The following GPI variants were observed in gnomAD, a reference collection of about 807,000 sequenced individuals.
GPI encodes the protein glucose-6-phosphate isomerase.
Under a neutral mutation model 75.8 loss-of-function variants are expected in GPI, and 56 were observed. The ratio of observed to expected loss-of-function variants is 0.74; its 90% confidence interval spans 0.60 to 0.92. The LOEUF (loss-of-function observed/expected upper bound fraction) is 0.92, where lower values mean the gene tolerates loss of function less well. Ranked by LOEUF, GPI falls within the 40% of genes least tolerant of loss-of-function variation. GPI has a pLI of 0.00. For missense variants in GPI, 638 were observed against 741.0 expected (o/e 0.86, Z 1.61); for synonymous variants, 288 against 285.4 (o/e 1.01, Z -0.09).
chr19:34,377,541 G>A lies in GPI; in HGVS notation c.441G>A (p.Lys147=). The A allele has an allele frequency of 2.5e-6, 4 of 1,613,156 alleles. No homozygotes were observed. The highest frequency in any genetic ancestry group is 3.4e-6 in the Non-Finnish European group (4 of 1,179,808). ...GTGACTGGAAGGGGTACACAGGCAA[G>A]ACCATCACGGACGTCATCAACATTG... The part of the protein sequence containing the change: ...RSGDWKGYTG[K]TITDVINIGI... The change falls in exon 5 of 18, where the codon AAG becomes AAA. Residue 147 remains lysine, a synonymous_variant. Transcript: ENST00000356487.
rs1254612410 is a variant in GPI at position 34,365,386 on chromosome 19, C to A, written c.120C>A (p.Phe40Leu). Residue 40 changes from phenylalanine to leucine, a missense_variant and splice_region_variant, in exon 1 of 18, where the codon TTC becomes TTA. Transcript: ENST00000356487. Reference sequence around the variant, plus strand: ...CCAACAAGGACCGCTTCAACCACTTCAGGTGCGGGCGGGCCGGAGGCGGGG... The same window carrying A: ...CCAACAAGGACCGCTTCAACCACTTAAGGTGCGGGCGGGCCGGAGGCGGGG... ...FDANKDRFNH[F>L]SLTLNTNHGH... is the part of the protein sequence containing the mutation. 6.3e-6 allele frequency: 10 copies of A among 1,579,152 alleles called. No individual in the cohort carries two copies. Among genetic ancestry groups the A allele is most frequent in the Non-Finnish European group, 6.9e-6 (8 of 1,166,144 alleles).
chr19:34,365,432 GA>G lies in GPI; in HGVS notation c.122+46del, dbSNP rs1005372524. On this transcript the variant is annotated intron_variant, in intron 1 of 17. Coordinates refer to ENST00000356487, the MANE Select transcript of GPI (RefSeq NM_000175.5). ...CGGGGGCTGCCACGCGCGGCGCCCG[GA>G]ACCGGGCACGCGGGCCTGGGGTCTG... 2.6e-6 allele frequency: 4 copies of G among 1,523,382 alleles called. No individual in the cohort carries two copies. The African/African-American group carries it at 5.7e-5, about 22-fold the overall frequency. 94.4% of individuals were successfully genotyped at this position (1,523,382 alleles called of 1,614,324 possible).
chr19:34,380,001 T>TTTTTG (rs1568336013), intron 8 of GPI: 4 of 209,594 alleles, frequency 1.9e-5, no homozygotes, highest in African/African-American at 1.0e-4. Flanking sequence ...TTTTTTTTTT[T>TTTTTG]TTTTTTTTTT....
chr19:34,379,369 T>TGACCTC (rs1334589914), intron 7 of GPI, 149 bp from the exon 8 acceptor site: 5 of 816,182 alleles, frequency 6.1e-6, no homozygotes, highest in South Asian at 5.3e-5. Context: ...TTCTTGACCT[T>TGACCTC]GACCTCGATG....
At chr19:34,363,486 T>A, upstream of GPI, 1 of 152,144 alleles carries the variant, frequency 6.6e-6, no homozygotes, top group Non-Finnish European at 1.5e-5. Context: ...TCTGTGTAGA[T>A]GAGTAACTGG....
upstream of GPI, among the ~76,000 whole-genome samples, chr19:34,362,734 T>G (rs75527048): frequency 0.015 from 2,221 of 152,274 alleles, 24 homozygotes; most frequent in South Asian, 0.026. Flanking sequence ...TGGGGATCAT[T>G]CTCTTCGTTA....
intron 12 of GPI, 80 bp downstream of exon 12, chr19:34,394,146 C>T: frequency 9.5e-7 from 1 of 1,047,176 alleles, no homozygotes; most frequent in Non-Finnish European, 1.5e-6. Context: ...GGTTTCAGCT[C>T]CTCCAGGAGC....
rs927686637 is a variant in GPI at position 34,377,889 on chromosome 19, T to C, written c.633+8T>C. On this transcript the variant is annotated splice_region_variant and intron_variant, in intron 6 of 17. Coordinates refer to ENST00000356487, the MANE Select transcript of GPI (RefSeq NM_000175.5). ...TTCATCATTGCCTCCAAGGTATGAG[T>C]GCCGAAAACTGCCCGGCCCCTGGCC... 2 of 1,613,996 alleles carry C rather than the reference T, an allele frequency of 1.2e-6. No individual in the cohort carries two copies.
intron 8 of GPI, chr19:34,381,103 C>T (rs560330360): frequency 3.5e-5 from 13 of 374,202 alleles, no homozygotes; most frequent in South Asian, 2.3e-4. Flanking sequence ...GTCCTAGGTT[C>T]GGTTCCCAGA....
chr19:34,393,780 T>C lies in GPI; in HGVS notation c.909+9T>C. On this transcript the variant is annotated intron_variant, in intron 11 of 17. Coordinates refer to ENST00000356487, the MANE Select transcript of GPI (RefSeq NM_000175.5). This position sits in a 1 kb window ranked among gnomAD's most constrained non-coding sequence, Gnocchi z 4.4. ...CGGGGGCTCACTGGATGGTGAGTGC[T>C]GAGGCTGGTTCTCTGCCAAGTGCTG... 1 of 1,612,592 alleles carries C rather than the reference T, an allele frequency of 6.2e-7. No individual in the cohort carries two copies. Among genetic ancestry groups the C allele is most frequent in the Non-Finnish European group, 8.5e-7 (1 of 1,179,586 alleles).
At chr19:34,362,847 G>A (rs73028323), upstream of GPI, among the ~76,000 whole-genome samples, 1,257 of 152,322 alleles carry the variant, frequency 8.3e-3, 7 homozygotes, top group Middle Eastern at 0.01. Flanking sequence ...CAGGGCCCTG[G>A]AAAAGGACCC....
intron 12 of GPI, 103 bp from the exon 13 acceptor site, chr19:34,396,198 A>G (rs2074941651): frequency 7.3e-7 from 1 of 1,368,330 alleles, no homozygotes; most frequent in Non-Finnish European, 1.0e-6. Flanking sequence ...TTGGCCTCCC[A>G]AAGTGCTGGA....
rs2074944578 is a variant in GPI, at chr19:34,396,361, A to G, written c.1123A>G (p.Thr375Ala). ...ATCTGGAACCCGTGTGGACCACCAGACAGGCCCCATTGTGTGGGGGGAGCC... is the reference window on the plus strand; with the variant it reads ...ATCTGGAACCCGTGTGGACCACCAGGCAGGCCCCATTGTGTGGGGGGAGCC... Reference protein sequence around the residue: ...TKSGTRVDHQTGPIVWGEPGT... With the variant: ...TKSGTRVDHQAGPIVWGEPGT... Residue 375 changes from threonine to alanine, a missense_variant, in exon 13 of 18, where the codon ACA (threonine) becomes GCA (alanine). Physicochemically the swap from Thr to Ala is moderately conservative, Grantham distance 58. Coordinates refer to ENST00000356487, the MANE Select transcript of GPI (RefSeq NM_000175.5). 2 of 1,614,136 alleles carry G rather than the reference A, an allele frequency of 1.2e-6. No individual in the cohort carries two copies. Among genetic ancestry groups the G allele is most frequent in the Non-Finnish European group, 1.7e-6 (2 of 1,179,946 alleles).
chr19:34,399,688 C>G (rs777053276), intron 16 of GPI, 31 bp from the exon 17 acceptor site: 1 of 1,613,506 alleles, frequency 6.2e-7, no homozygotes, highest in Admixed American at 1.7e-5. Flanking sequence ...GCTTGTGGAG[C>G]CCTGATGTGC....
At chr19:34,377,349 A>ATATG (rs2074561333) in intron 4 of GPI, among the ~76,000 whole-genome samples, 154 bp from the exon 5 acceptor site, 1 of 125,694 alleles carries the variant, frequency 8.0e-6, no homozygotes, top group Non-Finnish European at 1.7e-5. Flanking sequence ...ATATATATAT[A>ATATG]TATATATATG....
chr19:34,396,827 G>C (rs535110744), intron 14 of GPI, among the ~76,000 whole-genome samples, 170 bp downstream of exon 14: 18 of 152,174 alleles, frequency 1.2e-4, no homozygotes, highest in Non-Finnish European at 2.1e-4. Flanking sequence ...GGGTGGGGAG[G>C]GGGGACAGAG....
At position 34,393,001 on chromosome 19, in the gene GPI, C is replaced by T. The variant is rs73582655; in HGVS notation, c.805-247C>T. 7.2e-6 allele frequency: 4 copies of T among 554,828 alleles called. No homozygotes were observed. The African/African-American group carries it at 7.5e-5, about 10-fold the overall frequency. 34.4% of individuals were successfully genotyped at this position (554,828 alleles called of 1,614,324 possible). A position where few individuals can be genotyped will look rare whatever the true frequency, so the allele number is the denominator to read the frequency against. Reference sequence around the variant, plus strand: ...TGCTGGTGTCTGCAGAGACAGGGCCCGACATCTCAGGGAAGACCACGGTAA... The same window carrying T: ...TGCTGGTGTCTGCAGAGACAGGGCCTGACATCTCAGGGAAGACCACGGTAA... On this transcript the variant is annotated intron_variant, in intron 9 of 17. Transcript: ENST00000356487. This position sits in a 1 kb window ranked among gnomAD's most constrained non-coding sequence, Gnocchi z 4.4.
intron 9 of GPI, among the ~76,000 whole-genome samples, chr19:34,381,788 C>G (rs1203612682): frequency 6.6e-6 from 1 of 152,148 alleles, no homozygotes; most frequent in Non-Finnish European, 1.5e-5. Context: ...GTGGGGTAAC[C>G]CGAGTCCCCC....
At position 34,394,519 on chromosome 19, in the gene GPI, G is replaced by T. The variant is rs1489130261; in HGVS notation, c.1062+453G>T. ...CTGAGGAGGTGGGATTTGGCCATAG[G>T]GTGGGGCTGCAAGCTGGAATCCCTT... On this transcript the variant is annotated intron_variant, in intron 12 of 17. Coordinates refer to ENST00000356487, the MANE Select transcript of GPI (RefSeq NM_000175.5). 5.6e-3 allele frequency among the ~76,000 whole-genome samples: 4 copies of T among 712 alleles called. No homozygotes were observed. In the East Asian group the frequency reaches 0.08, roughly 14 times the overall value. The allele number at this position is 712 out of a possible 152,430, so 0.5% of individuals were successfully genotyped here. A position where few individuals can be genotyped will look rare whatever the true frequency, so the allele number is the denominator to read the frequency against.
Sources: gnomAD v4.1 joint callset for allele counts (sites outside exome capture counted in the v4.1 genomes callset) on GRCh38, gnomAD v4.1.1 for gene constraint, Gnocchi (gnomAD v3.1) non-coding constraint, MANE v1.5 for transcripts, NCBI Gene and HGNC (gene_info 2026-07-23, HGNC 2026-07-21) for gene names.